SLC25A44: variants seen among roughly 807,000 people sequenced by gnomAD.
SLC25A44 encodes solute carrier family 25 member 44.
In SLC25A44, 17 loss-of-function variants were observed where a neutral mutation model predicts 29.9. The ratio of observed to expected loss-of-function variants is 0.57; its 90% CI spans 0.39 to 0.85. SLC25A44 has a LOEUF of 0.85. Among genes scored for constraint, SLC25A44 ranks in the 40% least tolerant of loss-of-function variants. The pLI is 0.00. For missense variants in SLC25A44, 302 were observed against 398.4 expected (o/e 0.76, Z 2.06); for synonymous variants, 140 against 151.8 (o/e 0.92, Z 0.57).
chr1:156,210,905 G>A lies in SLC25A44; in HGVS notation c.*474G>A, dbSNP rs1657258580. On this transcript the variant is annotated 3_prime_UTR_variant, in exon 4 of 4. Coordinates refer to ENST00000359511, the MANE Select transcript of SLC25A44 (RefSeq NM_014655.4). ...TATTTTGGGACCGAGCTGCCCACTA[G>A]ATGACTCTGCTTTTCCCTGCATTTG... The A allele has an allele frequency of 6.6e-6, 1 of 152,396 alleles. No homozygotes were observed. Among genetic ancestry groups the A allele is most frequent in the Non-Finnish European group, 1.5e-5 (1 of 68,076 alleles). The allele number at this position is 152,396 out of a possible 1,614,324, so 9.4% of individuals were successfully genotyped here.
At chr1:156,201,584 CTTCT>C (rs1161278370) in intron 2 of SLC25A44, among the ~76,000 whole-genome samples, 3 of 152,102 alleles carry the variant, frequency 2.0e-5, no homozygotes, top group Admixed American at 6.6e-5. Flanking sequence ...CTGATTATTG[CTTCT>C]TTCTTCTTCT....
chr1:156,208,458 C>A (rs780264169), intron 3 of SLC25A44, among the ~76,000 whole-genome samples: 18 of 152,016 alleles, frequency 1.2e-4, no homozygotes, highest in Non-Finnish European at 1.9e-4. Context: ...CAGAGTGAGA[C>A]TTTGTCTCAA....
chr1:156,194,798 C>T (rs1348933318), intron 1 of SLC25A44, among the ~76,000 whole-genome samples: 1 of 152,168 alleles, frequency 6.6e-6, no homozygotes, highest in African/African-American at 2.4e-5. Context: ...GGTCTCTATT[C>T]CCTGTTTCCA....
chr1:156,210,021 A>C (rs111960042), intron 3 of SLC25A44, among the ~76,000 whole-genome samples: 1,781 of 152,124 alleles, frequency 0.012, 28 homozygotes, highest in African/African-American at 0.039. Context: ...AAATTACCCA[A>C]GGTTATGTTG....
intron 2 of SLC25A44, among the ~76,000 whole-genome samples, chr1:156,207,500 A>AT (rs1296936380): frequency 6.6e-6 from 1 of 152,074 alleles, no homozygotes; most frequent in Admixed American, 6.5e-5. Flanking sequence ...TTTTAAAAAA[A>AT]TTAGCTGGGA....
intron 1 of SLC25A44, chr1:156,199,191 T>G (rs1183636567): frequency 6.6e-6 from 1 of 152,456 alleles, no homozygotes; most frequent in Non-Finnish European, 1.5e-5. Context: ...AGGGGAGCTC[T>G]GAGAGGCCAG....
chr1:156,209,998 C>A (rs924013133), intron 3 of SLC25A44, among the ~76,000 whole-genome samples: 1 of 151,896 alleles, frequency 6.6e-6, no homozygotes, highest in Non-Finnish European at 1.5e-5. Context: ...AATTGGGGCA[C>A]AAAGAGTTAA....
rs1479125560 is a variant in SLC25A44 at position 156,211,883 on chromosome 1, G to A, written c.*1452G>A. 1 of 152,760 alleles carries A rather than the reference G, an allele frequency of 6.5e-6. No individual in the cohort carries two copies. The highest frequency in any genetic ancestry group is 1.5e-5 in the Non-Finnish European group (1 of 68,056). 9.5% of individuals were successfully genotyped at this position (152,760 alleles called of 1,614,324 possible). On this transcript the variant is annotated 3_prime_UTR_variant, in exon 4 of 4. Transcript: ENST00000359511. ...GTCCCACCCCCTGGGAAAGGCCATG[G>A]TGCCAGTTTGAAAGGTGCTAGCTAC...
chr1:156,200,255 C>T lies in SLC25A44; in HGVS notation c.408C>T (p.His136=), dbSNP rs762141811. 1.9e-6 allele frequency: 3 copies of T among 1,614,186 alleles called. No homozygotes were observed. Among genetic ancestry groups the T allele is most frequent in the Non-Finnish European group, 2.5e-6 (3 of 1,180,034 alleles). ...TGCCCATTGATGTAGTCTCCCAGCA[C>T]CTGATGATGCAACGCAAGGGTGAGA... ...ITVPIDVVSQ[H]LMMQRKGEKM... Residue 136 remains histidine (H), a synonymous_variant, in exon 2 of 4, where the codon CAC becomes CAT. Coordinates refer to ENST00000359511, the MANE Select transcript of SLC25A44 (RefSeq NM_014655.4).
chr1:156,206,002 C>T (rs1490068138), intron 2 of SLC25A44, among the ~76,000 whole-genome samples: 3 of 152,092 alleles, frequency 2.0e-5, no homozygotes, highest in Non-Finnish European at 4.4e-5. Context: ...GGGTACCATT[C>T]CATCTTCATT....
chr1:156,208,393 A>C (rs1011538391), intron 3 of SLC25A44, among the ~76,000 whole-genome samples: 1 of 152,120 alleles, frequency 6.6e-6, no homozygotes, highest in Non-Finnish European at 1.5e-5. Context: ...ACTCGAGCCC[A>C]GAGGTGTAGG....
Position 156,208,261 on chromosome 1 carries a change from G to A in SLC25A44, c.753+248G>A, listed in dbSNP as rs191441397. Reference sequence around the variant, plus strand: ...AAGCGGGCAGATCACCTGAGCCCAGGAGTTCGAGACCAGCCTGGCCAACAT... The same window carrying A: ...AAGCGGGCAGATCACCTGAGCCCAGAAGTTCGAGACCAGCCTGGCCAACAT... On this transcript the variant is annotated intron_variant, in intron 3 of 3. Coordinates refer to ENST00000359511, the MANE Select transcript of SLC25A44 (RefSeq NM_014655.4). 5.7e-3 allele frequency among the ~76,000 whole-genome samples: 868 copies of A among 152,304 alleles called. 14 individuals carry two copies. The highest frequency in any genetic ancestry group is 0.02 in the African/African-American group (820 of 41,566).
rs1467912854 is a variant in SLC25A44 at position 156,199,970 on chromosome 1, C to G, written c.123C>G (p.Ile41Met). 2.5e-6 allele frequency: 4 copies of G among 1,614,084 alleles called. No individual in the cohort carries two copies. The highest frequency in any genetic ancestry group is 2.5e-6 in the Non-Finnish European group (3 of 1,180,034). ...IRVSVYPFTL[I>M]RTRLQVQKGK... ...TCAGTGTCTACCCATTCACCCTCAT[C>G]CGCACCCGGTTGCAAGTTCAGAAGG... Residue 41 changes from isoleucine to methionine, a missense_variant, in exon 2 of 4, where the codon ATC (isoleucine) becomes ATG (methionine). Ile to Met is a conservative substitution (Grantham distance 10). Transcript: ENST00000359511.
intron 1 of SLC25A44, among the ~76,000 whole-genome samples, chr1:156,195,808 A>G (rs1656179372): frequency 6.6e-6 from 1 of 152,246 alleles, no homozygotes; most frequent in South Asian, 2.1e-4. Context: ...CTCTCGAGCC[A>G]GAATCTTATC....
At chr1:156,210,040 T>A (rs1430957245) in intron 3 of SLC25A44, among the ~76,000 whole-genome samples, 200 bp from the exon 4 acceptor site, 1 of 151,896 alleles carries the variant, frequency 6.6e-6, no homozygotes, top group Non-Finnish European at 1.5e-5. Flanking sequence ...TGTTAGTAGG[T>A]TGGGGAGCAG....
chr1:156,196,500 A>G (rs968646331), intron 1 of SLC25A44: 1 of 152,202 alleles, frequency 6.6e-6, no homozygotes, highest in African/African-American at 2.4e-5. Flanking sequence ...TCATCAGGAG[A>G]TGCTGATACT....
intron 3 of SLC25A44, among the ~76,000 whole-genome samples, chr1:156,208,647 CA>C (rs1457224628): frequency 3.3e-5 from 5 of 152,176 alleles, no homozygotes; most frequent in Non-Finnish European, 7.3e-5. Context: ...CATAGCCTAT[CA>C]ACGACTCTTT....
At chr1:156,195,132 C>T (rs1253154877) in intron 1 of SLC25A44, among the ~76,000 whole-genome samples, 140 of 145,704 alleles carry the variant, frequency 9.6e-4, no homozygotes, top group African/African-American at 3.4e-3. Context: ...GAGACAGAGT[C>T]TCGCTCTGTT....
rs983480566 is a variant in SLC25A44 at position 156,212,793 on chromosome 1, C to G, written c.*2362C>G. The G allele has an allele frequency of 1.5e-6, 1 of 651,630 alleles. No individual in the cohort carries two copies. Among genetic ancestry groups the G allele is most frequent in the African/African-American group, 1.8e-5 (1 of 54,766 alleles). The allele number at this position is 651,630 out of a possible 1,614,324, so 40.4% of individuals were successfully genotyped here. Reference sequence around the variant, plus strand: ...GTAATTAAAAGTTTTTATTGAGCCCCCGAGCTTTGGCTTGCGCGTATTTTT... The same window carrying G: ...GTAATTAAAAGTTTTTATTGAGCCCGCGAGCTTTGGCTTGCGCGTATTTTT... On this transcript the variant is annotated 3_prime_UTR_variant, in exon 4 of 4. Transcript: ENST00000359511.
Sources: allele counts gnomAD v4.1 joint callset (sites outside exome capture counted in the v4.1 genomes callset), GRCh38; gene constraint gnomAD v4.1.1; transcripts MANE v1.5; gene names NCBI Gene and HGNC (gene_info 2026-07-23, HGNC 2026-07-21).